ARHGAP10: variants seen among roughly 807,000 people sequenced by gnomAD.
The protein encoded by ARHGAP10 is rho GTPase-activating protein 10.
ARHGAP10 carries 87 observed loss-of-function variants against 108.6 expected under a neutral mutation model. The ratio of observed to expected loss-of-function variants is 0.80; its 90% CI spans 0.67 to 0.96. The LOEUF is 0.96. ARHGAP10 is among the 40% of genes least tolerant of loss of function. The pLI is 0.00. For synonymous variants in ARHGAP10, 347 were observed against 341.1 expected, an observed-to-expected ratio of 1.02 and a Z score of -0.19; for missense variants, 939 against 954.5, an observed-to-expected ratio of 0.98 and a Z score of 0.21.
intron 1 of ARHGAP10, among the ~76,000 whole-genome samples, chr4:147,760,480 G>C (rs1579010214): frequency 1.3e-5 from 2 of 152,270 alleles, no homozygotes; most frequent in East Asian, 3.9e-4. Flanking sequence ...GCAGATTGGG[G>C]AGAGGCAGAG....
At chr4:147,899,979 C>T (rs969938244) in intron 10 of ARHGAP10, among the ~76,000 whole-genome samples, 1 of 151,376 alleles carries the variant, frequency 6.6e-6, no homozygotes, top group East Asian at 1.9e-4. Flanking sequence ...TGTTTATTCA[C>T]TTAAGAGCTA....
intron 4 of ARHGAP10, among the ~76,000 whole-genome samples, chr4:147,857,231 G>T (rs74490287): frequency 0.025 from 3,808 of 152,180 alleles, 147 homozygotes; most frequent in African/African-American, 0.083. Flanking sequence ...TTTTTCTTAC[G>T]TATTTTGTTT....
intron 15 of ARHGAP10, among the ~76,000 whole-genome samples, chr4:147,950,136 G>A (rs1385226550): frequency 6.6e-6 from 1 of 152,204 alleles, no homozygotes; most frequent in Non-Finnish European, 1.5e-5. Context: ...CTGCCTGAAT[G>A]TGATAAAGTG....
At chr4:147,865,660 C>T (rs1734526678) in intron 6 of ARHGAP10, 1 of 152,200 alleles carries the variant, frequency 6.6e-6, no homozygotes, top group African/African-American at 2.4e-5. Context: ...TCTTAAACAG[C>T]TTTATTAAGA....
chr4:147,811,049 G>A (rs1328139947), intron 1 of ARHGAP10, among the ~76,000 whole-genome samples: 4 of 152,112 alleles, frequency 2.6e-5, no homozygotes, highest in Non-Finnish European at 1.5e-5. Context: ...CTAGCTCCTC[G>A]CCTTAATCCT....
chr4:147,879,799 C>T (rs1431327582), intron 9 of ARHGAP10, among the ~76,000 whole-genome samples: 1 of 152,084 alleles, frequency 6.6e-6, no homozygotes, highest in Non-Finnish European at 1.5e-5. Context: ...TGGTTTTAAC[C>T]ACTAGATATT....
At chr4:147,959,806 A>G (rs1399361159) in intron 16 of ARHGAP10, among the ~76,000 whole-genome samples, 4 of 152,208 alleles carry the variant, frequency 2.6e-5, no homozygotes, top group Admixed American at 6.5e-5. Context: ...TTAAGAAATG[A>G]AGAATGTAAT....
intron 16 of ARHGAP10, among the ~76,000 whole-genome samples, chr4:147,956,718 A>G (rs1325168384): frequency 6.6e-6 from 1 of 151,964 alleles, no homozygotes; most frequent in East Asian, 1.9e-4. Context: ...AGAGAAAGAT[A>G]AAGTGATTAT....
intron 13 of ARHGAP10, among the ~76,000 whole-genome samples, chr4:147,925,589 G>T (rs1280216464): frequency 1.3e-5 from 2 of 152,006 alleles, no homozygotes; most frequent in African/African-American, 4.8e-5. Flanking sequence ...GTAATTTTGG[G>T]GTATTTCTTA....
chr4:147,828,386 A>T (rs942105653), intron 3 of ARHGAP10, among the ~76,000 whole-genome samples: 1 of 152,212 alleles, frequency 6.6e-6, no homozygotes, highest in African/African-American at 2.4e-5. Flanking sequence ...ATAAGTTCAT[A>T]CGCCTCATCT....
At chr4:148,028,985 C>A (rs1728008548) in intron 19 of ARHGAP10, among the ~76,000 whole-genome samples, 1 of 152,102 alleles carries the variant, frequency 6.6e-6, no homozygotes, top group African/African-American at 2.4e-5. Flanking sequence ...ACCATCTTTC[C>A]ATCAAAAGGA....
At chr4:147,758,098 A>G (rs1011053835) in intron 1 of ARHGAP10, among the ~76,000 whole-genome samples, 2 of 152,162 alleles carry the variant, frequency 1.3e-5, no homozygotes, top group African/African-American at 4.8e-5. Flanking sequence ...CCCCGTCCAT[A>G]CTGAAAATAC....
chr4:147,822,206 C>G (rs1173174850), intron 1 of ARHGAP10, among the ~76,000 whole-genome samples: 2 of 152,178 alleles, frequency 1.3e-5, no homozygotes, highest in Admixed American at 6.5e-5. Context: ...ATGCTGTTTT[C>G]TATGAACATT....
Position 147,853,921 on chromosome 4 carries a change from T to C in ARHGAP10, c.385-3632T>C, listed in dbSNP as rs555540182. Among the ~76,000 whole-genome samples the C allele has an allele frequency of 1.3e-4, 20 of 152,302 alleles. No homozygotes were observed. The South Asian group carries it at 1.5e-3, about 11-fold the overall frequency. On this transcript the variant is annotated intron_variant, in intron 4 of 22. Transcript: ENST00000336498. ...ATGAGGTTCTCTTTCTGCTTCCCAG[T>C]AAACAGTCATGCCAGCACCAATGGT... is the stretch of plus-strand genomic sequence containing the variant.
chr4:147,836,007 G>A (rs1290658532), intron 3 of ARHGAP10, among the ~76,000 whole-genome samples: 4 of 152,138 alleles, frequency 2.6e-5, no homozygotes, highest in Non-Finnish European at 4.4e-5. Flanking sequence ...AGTAGCTTTT[G>A]TTTTATGATT....
intron 13 of ARHGAP10, among the ~76,000 whole-genome samples, chr4:147,936,349 T>C (rs1737935971): frequency 1.1e-5 from 1 of 94,524 alleles, no homozygotes; most frequent in South Asian, 4.0e-4. Context: ...TGAGATGGAG[T>C]CTTGCTCTGT....
Position 147,732,427 on chromosome 4 carries a change from C to A in ARHGAP10, c.126C>A (p.Asp42Glu). The A allele has an allele frequency of 1.2e-6, 2 of 1,612,602 alleles. No individual in the cohort carries two copies. Among genetic ancestry groups the A allele is most frequent in the Non-Finnish European group, 8.5e-7 (1 of 1,179,298 alleles). Residue 42 changes from aspartate (D) to glutamate (E), a missense_variant, in exon 1 of 23, where the codon GAC becomes GAA. Asp to Glu is a conservative substitution (Grantham distance 45). Transcript: ENST00000336498. ...TNKFIKELIKDGKNLIAATKS... is the reference protein window; with the variant it reads ...TNKFIKELIKEGKNLIAATKS... The stretch of plus-strand genomic sequence containing the variant: ...AGTTCATCAAAGAGCTCATTAAGGA[C>A]GGGAAGAACCTCATCGCTGCGACGA...
chr4:147,866,993 T>C (rs555001881), intron 7 of ARHGAP10, among the ~76,000 whole-genome samples, 177 bp downstream of exon 7: 1 of 152,326 alleles, frequency 6.6e-6, no homozygotes, highest in Admixed American at 6.5e-5. Context: ...CTACAGTTGG[T>C]TGAGGCTTGG....
chr4:148,017,292 A>G (rs1741384136), intron 18 of ARHGAP10, among the ~76,000 whole-genome samples: 1 of 152,202 alleles, frequency 6.6e-6, no homozygotes. Context: ...CAGACAAGGA[A>G]GGTCAGAGAA....
Sources: allele counts gnomAD v4.1 joint callset (sites outside exome capture counted in the v4.1 genomes callset), GRCh38; gene constraint gnomAD v4.1.1; transcripts MANE v1.5; gene names NCBI Gene and HGNC (gene_info 2026-07-23, HGNC 2026-07-21).